The following DGKZ variants were observed in gnomAD, a reference collection of about 807,000 sequenced individuals.
The protein encoded by DGKZ is DAG kinase zeta.
Under a neutral mutation model 142.5 loss-of-function variants are expected in DGKZ, and 45 were observed. That is an observed-to-expected ratio of 0.32 (90% CI 0.25 to 0.40). The LOEUF (loss-of-function observed/expected upper bound fraction) is 0.40, where lower values mean the gene tolerates loss of function less well. DGKZ is among the 10% of genes least tolerant of loss of function. DGKZ has a pLI of 1.00. For missense variants in DGKZ, 755 were observed against 1,306.5 expected (o/e 0.58, Z 6.51); for synonymous variants, 442 against 527.0 (o/e 0.84, Z 2.21).
In DGKZ at chr11:46,347,794, C is replaced by T. The variant is rs1940839491; in HGVS notation, c.135C>T (p.Phe45=). The T allele has an allele frequency of 7.4e-7, 1 of 1,349,298 alleles. No individual in the cohort carries two copies. Among genetic ancestry groups the T allele is most frequent in the Non-Finnish European group, 9.5e-7 (1 of 1,047,326 alleles). 83.6% of individuals were successfully genotyped at this position (1,349,298 alleles called of 1,614,324 possible). ...CGCGGCGACTCAACAAGCGGCGCTT[C>T]CCGGGGCTGCGGCTCTTCGGGCACA... is the stretch of plus-strand genomic sequence containing the variant. Residue 45 remains phenylalanine, a synonymous_variant, in exon 1 of 31, where the codon TTC becomes TTT. Coordinates refer to ENST00000527911, the Ensembl canonical transcript of DGKZ. The surrounding 1 kb of genome is among the most constrained non-coding windows in gnomAD (Gnocchi z 6.4).
At chr11:46,357,990 C>A (rs1177410519) in intron 1 of DGKZ, among the ~76,000 whole-genome samples, 1 of 152,180 alleles carries the variant, frequency 6.6e-6, no homozygotes, top group East Asian at 1.9e-4. Context: ...ACCGCAGGAG[C>A]CACGTCTGCC....
At chr11:46,368,346 G>A in intron 4 of DGKZ, 1 of 500,844 alleles carries the variant, frequency 2.0e-6, no homozygotes, top group African/African-American at 1.9e-5. Context: ...ACGAATGGTG[G>A]CCCTTGTACC....
chr11:46,352,623 G>A (rs764190121), intron 1 of DGKZ, among the ~76,000 whole-genome samples: 1 of 152,224 alleles, frequency 6.6e-6, no homozygotes, highest in Admixed American at 6.5e-5. Context: ...CAGGACCCAG[G>A]ACAGGCTGAC....
intron 4 of DGKZ, chr11:46,368,460 G>A: frequency 2.8e-6 from 1 of 357,162 alleles, no homozygotes; most frequent in Non-Finnish European, 5.5e-6. Context: ...CTTTCCCCAA[G>A]GGCCATTGTC....
intron 6 of DGKZ, among the ~76,000 whole-genome samples, chr11:46,371,096 C>G (rs750096495): frequency 2.1e-4 from 32 of 152,104 alleles, no homozygotes; most frequent in South Asian, 6.2e-4. Context: ...CAAACAAAAA[C>G]AAAAAATGTG....
At chr11:46,347,031 C>T (rs1940692985), upstream of DGKZ, among the ~76,000 whole-genome samples, 2 of 152,126 alleles carry the variant, frequency 1.3e-5, no homozygotes, top group Admixed American at 1.3e-4. The surrounding 1 kb of genome is among the most constrained non-coding windows in gnomAD (Gnocchi z 6.4). Context: ...GACTTTTGTT[C>T]CCCTGGGTGC....
rs369239089 is a variant in DGKZ, at chr11:46,374,430, T to C, written c.1437T>C (p.Phe479=). 224 of 1,614,100 alleles carry C rather than the reference T, an allele frequency of 1.4e-4. 1 individual carries two copies. The South Asian group carries it at 1.4e-3, about 10-fold the overall frequency. ...ACCCAGAGAAATTCAACAGCCGCTTTCGGAATAAGATGTTCTACGCCGGGG... is the reference window on the plus strand; with the variant it reads ...ACCCAGAGAAATTCAACAGCCGCTTCCGGAATAAGATGTTCTACGCCGGGG... Residue 479 remains phenylalanine (F), a synonymous_variant, in exon 16 of 31, where the codon TTT becomes TTC. Transcript: ENST00000527911.
At chr11:46,333,110 C>G (rs1375077257) in exon 1 of DGKZ, 8 of 515,756 alleles carry the variant, frequency 1.6e-5, no homozygotes, top group Non-Finnish European at 2.0e-5. Context: ...CAGCGCCCAG[C>G]ATCTCGCTGC....
At chr11:46,344,140 G>A (rs1194655200), upstream of DGKZ, among the ~76,000 whole-genome samples, 3 of 151,880 alleles carry the variant, frequency 2.0e-5, no homozygotes, top group Non-Finnish European at 4.4e-5. Context: ...AGTAGACAGG[G>A]GGTTTCACCA....
At chr11:46,366,431 T>C (rs1943262622) in intron 1 of DGKZ, 8 of 1,544,928 alleles carry the variant, frequency 5.2e-6, no homozygotes, top group Non-Finnish European at 7.0e-6. Context: ...GCTCCAGGGC[T>C]GCCTCCTGAG....
chr11:46,367,690 C>A lies in DGKZ; in HGVS notation c.309C>A (p.Thr103=). ...ATGGGGAGCACATCTGGTTCGAGAC[C>A]AACGTGTCCGGGGACTTCTGCTACG... Residue 103 remains threonine (T), a synonymous_variant, in exon 3 of 31, where the codon ACC becomes ACA. Coordinates refer to ENST00000527911, the Ensembl canonical transcript of DGKZ. This position sits in a 1 kb window ranked among gnomAD's most constrained non-coding sequence, Gnocchi z 4.1. 2 of 1,610,424 alleles carry A rather than the reference C, an allele frequency of 1.2e-6. No individual in the cohort carries two copies. Among genetic ancestry groups the A allele is most frequent in the Non-Finnish European group, 1.7e-6 (2 of 1,178,262 alleles).
intron 7 of DGKZ, 50 bp from the exon 8 acceptor site, chr11:46,371,436 TC>T (rs1283112135): frequency 1.9e-6 from 3 of 1,608,658 alleles, no homozygotes; most frequent in Non-Finnish European, 2.5e-6. Context: ...TGGGTTTGGG[TC>T]CCCGAGTCTG....
At chr11:46,350,742 C>T (rs1480536752) in intron 1 of DGKZ, among the ~76,000 whole-genome samples, 1 of 152,134 alleles carries the variant, frequency 6.6e-6, no homozygotes, top group East Asian at 1.9e-4. Flanking sequence ...GTAGGACAGT[C>T]TCTGAATGGC....
In DGKZ at chr11:46,378,503, AC is replaced by A; in HGVS notation, c.2418+4del. ...CCAAGAGGAACGACTTCTGTAAGGT[AC>A]TAGCTCCAGGCTCCAGTTCCTTCCC... On this transcript the variant is annotated splice_donor_region_variant and intron_variant, in intron 27 of 30. Transcript: ENST00000527911. 1.2e-6 allele frequency: 2 copies of A among 1,612,966 alleles called. No homozygotes were observed. Among genetic ancestry groups the A allele is most frequent in the Non-Finnish European group, 1.7e-6 (2 of 1,179,826 alleles).
intron 1 of DGKZ, among the ~76,000 whole-genome samples, chr11:46,356,055 T>C (rs1289554409): frequency 6.6e-6 from 1 of 152,110 alleles, no homozygotes; most frequent in East Asian, 1.9e-4. Context: ...AGGGTGTTAA[T>C]ATTGAATGAG....
intron 1 of DGKZ, chr11:46,365,384 A>G (rs1943133047): frequency 1.0e-6 from 1 of 985,454 alleles, no homozygotes; most frequent in Non-Finnish European, 1.2e-6. Flanking sequence ...GAGACAGAGC[A>G]GTCGAGCACC....
In DGKZ at chr11:46,379,283, C is replaced by G. The variant is rs1463228092; in HGVS notation, c.2573+47C>G. The G allele has an allele frequency of 2.5e-6, 4 of 1,609,728 alleles. No homozygotes were observed. In the African/African-American group the frequency reaches 5.3e-5, roughly 22 times the overall value. The stretch of plus-strand genomic sequence containing the variant: ...AACCGTGGTCACCCCGGAAACCACC[C>G]TTTTCCCCACCCCTCCCATTTTGTC... On this transcript the variant is annotated intron_variant, in intron 29 of 30. Transcript: ENST00000527911.
chr11:46,364,850 C>T (rs976830559), intron 1 of DGKZ: 2 of 985,324 alleles, frequency 2.0e-6, no homozygotes, highest in African/African-American at 1.7e-5. Context: ...CTTCTGTCAG[C>T]CCCAGGCAGC....
At chr11:46,357,506 G>A (rs571407605) in intron 1 of DGKZ, among the ~76,000 whole-genome samples, 3 of 152,366 alleles carry the variant, frequency 2.0e-5, no homozygotes, top group South Asian at 2.1e-4. Context: ...GTGGTCAGCC[G>A]TTGCATGTGG....
Sources: allele counts gnomAD v4.1 joint callset (sites outside exome capture counted in the v4.1 genomes callset), GRCh38; gene constraint gnomAD v4.1.1; non-coding constraint Gnocchi (gnomAD v3.1); transcripts MANE v1.5; gene names NCBI Gene and HGNC (gene_info 2026-07-23, HGNC 2026-07-21).